The following AKAP9 variants were observed in gnomAD, a reference collection of about 807,000 sequenced individuals.
AKAP9 encodes A-kinase anchor protein 9.
A neutral mutation model predicts 488.5 loss-of-function variants in AKAP9; 311 were observed. That is an observed-to-expected ratio of 0.64 (90% CI 0.58 to 0.70). AKAP9 has a LOEUF of 0.70. Among genes scored for constraint, AKAP9 ranks in the 30% least tolerant of loss-of-function variants. The probability of loss-of-function intolerance (pLI) is 0.00; values close to 1 mark genes in which losing one functional copy is unlikely to be tolerated. For missense variants in AKAP9, 4,215 were observed against 4,374.5 expected, an observed-to-expected ratio of 0.96 and a Z score of 1.03; for synonymous variants, 1,462 against 1,483.5, an observed-to-expected ratio of 0.99 and a Z score of 0.33.
At chr7:92,031,655 G>A in intron 16 of AKAP9, 51 bp downstream of exon 16, 2 of 1,367,038 alleles carry the variant, frequency 1.5e-6, no homozygotes, top group Middle Eastern at 1.8e-4. Context: ...TTCCCTTTGA[G>A]CCTTCAAAAA....
rs767966419 is a variant in AKAP9, at chr7:92,062,379, A to G, written c.5870A>G (p.Asn1957Ser). Residue 1957 changes from asparagine (N) to serine (S), a missense_variant, in exon 24 of 50, where the codon AAC (asparagine) becomes AGC (serine). This residue lies in a region of AKAP9 where 2,361 missense variants were observed against 2,430.0 expected (regional missense o/e 0.97). Coordinates refer to ENST00000356239, the MANE Select transcript of AKAP9 (RefSeq NM_005751.5). ...GAGCAGGAGTTGTTATGTGCAAGTAACAGGTTGCAAGAATTGGAGGCAGAG... is the reference window on the plus strand; with the variant it reads ...GAGCAGGAGTTGTTATGTGCAAGTAGCAGGTTGCAAGAATTGGAGGCAGAG... ...RLEQELLCAS[N>S]RLQELEAEQQ... 24 of 1,613,826 alleles carry G rather than the reference A, an allele frequency of 1.5e-5. No homozygotes were observed. The Admixed American group carries it at 2.7e-4, about 18-fold the overall frequency.
intron 23 of AKAP9, 31 bp downstream of exon 23, chr7:92,061,453 A>G (rs1483342102): frequency 1.2e-6 from 2 of 1,611,284 alleles, no homozygotes; most frequent in Non-Finnish European, 1.7e-6. Flanking sequence ...AACTAAGGGT[A>G]GAGAAATTTC....
intron 31 of AKAP9, among the ~76,000 whole-genome samples, chr7:92,081,422 G>A (rs1482980396): frequency 6.7e-6 from 1 of 148,656 alleles, no homozygotes; most frequent in Non-Finnish European, 1.5e-5. Context: ...CTCCTGCCTC[G>A]GCCTCCCAGG....
chr7:92,042,046 A>G lies in AKAP9; in HGVS notation c.4918A>G (p.Arg1640Gly), dbSNP rs2130784254. 1 of 1,613,628 alleles carries G rather than the reference A, an allele frequency of 6.2e-7. No individual in the cohort carries two copies. Among genetic ancestry groups the G allele is most frequent in the African/African-American group, 1.3e-5 (1 of 74,974 alleles). ...TTTCATGACCTTTTTTCTTATTTAG[A>G]GATCCTCCATAGATAATGAAAACCT... ...IKRLNRQLAQRSSIDNENLVS... is the reference protein window; with the variant it reads ...IKRLNRQLAQGSSIDNENLVS... The change falls in exon 19 of 50, where the codon AGA becomes GGA. Residue 1640 changes from arginine to glycine, a missense_variant and splice_region_variant. Physicochemically the swap from Arg to Gly is moderately radical, Grantham distance 125. Around this residue, in one of 5 missense-constraint regions of AKAP9, gnomAD observed 2,361 missense variants for 2,430.0 expected, o/e 0.97. Transcript: ENST00000356239.
At chr7:92,077,602 T>C in intron 29 of AKAP9, 94 bp from the exon 30 acceptor site, 4 of 1,091,758 alleles carry the variant, frequency 3.7e-6, no homozygotes, top group Non-Finnish European at 5.6e-6. Flanking sequence ...ATTTTATTCA[T>C]TTGTACGTTA....
Position 92,038,576 on chromosome 7 carries a change from G to A in AKAP9, c.4496G>A (p.Gly1499Asp), listed in dbSNP as rs967854967. The A allele has an allele frequency of 6.2e-7, 1 of 1,613,862 alleles. No individual in the cohort carries two copies. The highest frequency in any genetic ancestry group is 1.7e-5 in the Admixed American group (1 of 60,010). Residue 1499 changes from glycine (G) to aspartate (D), a missense_variant, in exon 17 of 50, where the codon GGT (glycine) becomes GAT (aspartate). Transcript: ENST00000356239. ...ATGAAATTATCACAGGATCAAATTG[G>A]TTTTCAGACTTTTGAGACAGTGGAT... is the stretch of plus-strand genomic sequence containing the variant. ...NEMKLSQDQI[G>D]FQTFETVDVK...
At position 92,012,477 on chromosome 7, in the gene AKAP9, G is replaced by T. The variant is rs903034963; in HGVS notation, c.3367G>T (p.Val1123Phe). 1 of 1,614,020 alleles carries T rather than the reference G, an allele frequency of 6.2e-7. No homozygotes were observed. Among genetic ancestry groups the T allele is most frequent in the East Asian group, 2.2e-5 (1 of 44,836 alleles). The change falls in exon 9 of 50, where the codon GTT becomes TTT. Residue 1123 changes from valine to phenylalanine, a missense_variant. This residue lies in a region of AKAP9 where 2,361 missense variants were observed against 2,430.0 expected (regional missense o/e 0.97). Transcript: ENST00000356239. Reference sequence around the variant, plus strand: ...AGCCCAACGCATTTGCCTCTCTCTGGTTTATTCAACTCATGTGGATCAGGT... The same window carrying T: ...AGCCCAACGCATTTGCCTCTCTCTGTTTTATTCAACTCATGTGGATCAGGT... ...MEAQRICLSL[V>F]YSTHVDQVRE...
At chr7:92,035,655 T>C (rs1347346478) in intron 16 of AKAP9, among the ~76,000 whole-genome samples, 1 of 152,228 alleles carries the variant, frequency 6.6e-6, no homozygotes, top group Non-Finnish European at 1.5e-5. Context: ...CCAGTTAGGT[T>C]CAGACTAAAA....
At chr7:91,951,814 G>T (rs533551101) in intron 1 of AKAP9, among the ~76,000 whole-genome samples, 33 of 152,140 alleles carry the variant, frequency 2.2e-4, no homozygotes, top group African/African-American at 7.7e-4. Context: ...TCACACGCTT[G>T]CAGTGAGCCA....
At chr7:92,021,107 C>CT (rs1171626422) in intron 12 of AKAP9, among the ~76,000 whole-genome samples, 1 of 152,198 alleles carries the variant, frequency 6.6e-6, no homozygotes, top group Non-Finnish European at 1.5e-5. Context: ...CACAAATACT[C>CT]TTACTCTTTC....
intron 40 of AKAP9, among the ~76,000 whole-genome samples, chr7:92,096,069 T>C (rs1471463281): frequency 6.6e-6 from 1 of 152,178 alleles, no homozygotes; most frequent in East Asian, 1.9e-4. Context: ...AGGAATCTTA[T>C]CAAAACGTAA....
intron 24 of AKAP9, among the ~76,000 whole-genome samples, chr7:92,064,437 TCA>T (rs1167291458): frequency 6.6e-6 from 1 of 152,122 alleles, no homozygotes; most frequent in Non-Finnish European, 1.5e-5. Flanking sequence ...TTACCATACC[TCA>T]GACACTCTTC....
chr7:91,987,348 G>A (rs1316776881), intron 3 of AKAP9, among the ~76,000 whole-genome samples: 2 of 152,030 alleles, frequency 1.3e-5, no homozygotes, highest in African/African-American at 4.8e-5. Flanking sequence ...GAATCTGGGA[G>A]GTGGAGGTTA....
At chr7:92,061,220 A>G in intron 22 of AKAP9, 40 bp from the exon 23 acceptor site, 1 of 1,606,044 alleles carries the variant, frequency 6.2e-7, no homozygotes, top group East Asian at 2.2e-5. Flanking sequence ...GTATTTCCAC[A>G]CTTTATTTTC....
At chr7:91,948,700 C>T (rs1280968136) in intron 1 of AKAP9, among the ~76,000 whole-genome samples, 1 of 150,752 alleles carries the variant, frequency 6.6e-6, no homozygotes, top group Non-Finnish European at 1.5e-5. Context: ...CAACCTCCAC[C>T]TCCTGGGTTC....
intron 49 of AKAP9, 77 bp from the exon 50 acceptor site, chr7:92,110,045 T>C: frequency 9.3e-7 from 1 of 1,073,880 alleles, no homozygotes; most frequent in Non-Finnish European, 1.4e-6. Context: ...TAATTTCCTT[T>C]GTGTGAACTC....
chr7:92,059,816 A>G (rs530517158), intron 22 of AKAP9, among the ~76,000 whole-genome samples: 3 of 151,840 alleles, frequency 2.0e-5, no homozygotes, highest in Non-Finnish European at 4.4e-5. Context: ...GTTTCTTTGT[A>G]ATAAAAATTA....
chr7:92,013,468 A>G (rs1343855613), intron 9 of AKAP9, among the ~76,000 whole-genome samples: 1 of 152,200 alleles, frequency 6.6e-6, no homozygotes, highest in Non-Finnish European at 1.5e-5. Flanking sequence ...TATAAGCCTT[A>G]TGCTGTTGGT....
chr7:92,029,960 G>A lies in AKAP9; in HGVS notation c.4214G>A (p.Cys1405Tyr). 1 of 1,612,144 alleles carries A rather than the reference G, an allele frequency of 6.2e-7. No homozygotes were observed. Among genetic ancestry groups the A allele is most frequent in the Non-Finnish European group, 8.5e-7 (1 of 1,178,530 alleles). Residue 1405 changes from cysteine to tyrosine, a missense_variant, in exon 15 of 50, where the codon TGT (cysteine) becomes TAT (tyrosine). Transcript: ENST00000356239. The stretch of plus-strand genomic sequence containing the variant: ...CAGAGAACAATGTACCCTGGAAGTT[G>A]TGTGAAAAAGAATATTGATGGTACA... ...DAQRTMYPGS[C>Y]VKKNIDGTIE...
Sources: gnomAD v4.1 joint callset for allele counts (sites outside exome capture counted in the v4.1 genomes callset) on GRCh38, gnomAD v4.1.1 for gene constraint, gnomAD v4.1.1 regional missense constraint, MANE v1.5 for transcripts, NCBI Gene and HGNC (gene_info 2026-07-23, HGNC 2026-07-21) for gene names.